FRMPD4: variants seen among roughly 807,000 people sequenced by gnomAD.
FRMPD4 encodes FERM and PDZ domain-containing protein 4.
Under a neutral mutation model 94.1 loss-of-function variants are expected in FRMPD4, and 22 were observed. The ratio of observed to expected loss-of-function variants is 0.23; its 90% CI spans 0.17 to 0.33. FRMPD4 has a LOEUF of 0.33. FRMPD4 is among the 10% of genes least tolerant of loss of function. The pLI is 1.00. For synonymous variants in FRMPD4, 631 were observed against 548.6 expected, an observed-to-expected ratio of 1.15 and a Z score of -2.10; for missense variants, 1,111 against 1,339.9, an observed-to-expected ratio of 0.83 and a Z score of 2.67.
intron 3 of FRMPD4, among the ~76,000 whole-genome samples, chrX:11,988,684 A>T (rs2054447210): frequency 8.9e-6 from 1 of 112,148 alleles, no homozygotes. Flanking sequence ...AATGGGAGAA[A>T]ATATTTGCAA....
intron 3 of FRMPD4, among the ~76,000 whole-genome samples, chrX:11,879,524 T>C (rs924718568): frequency 2.7e-5 from 3 of 111,176 alleles, no homozygotes; most frequent in Non-Finnish European, 5.7e-5. Flanking sequence ...AGCATCTATC[T>C]AGTAAAAGGT....
chrX:11,977,272 T>C (rs960647685), intron 3 of FRMPD4, among the ~76,000 whole-genome samples: 2 of 112,268 alleles, frequency 1.8e-5, no homozygotes, highest in Admixed American at 1.9e-4. Context: ...ACAATGGTGG[T>C]ATCAAGGATC....
chrX:12,015,883 G>A (rs771368479), intron 3 of FRMPD4, among the ~76,000 whole-genome samples: 2 of 111,929 alleles, frequency 1.8e-5, no homozygotes, highest in South Asian at 7.6e-4. Flanking sequence ...TGAGCAGAAA[G>A]ACAGATGTGA....
At chrX:12,422,302 C>T (rs930464702) in intron 1 of FRMPD4, among the ~76,000 whole-genome samples, 12 of 112,050 alleles carry the variant, frequency 1.1e-4, no homozygotes, top group African/African-American at 2.6e-4. Context: ...TCGTGTAGGA[C>T]GCTAGAGACA....
intron 1 of FRMPD4, among the ~76,000 whole-genome samples, chrX:12,331,343 A>G (rs1188346706): frequency 9.4e-6 from 1 of 106,164 alleles, no homozygotes; most frequent in Non-Finnish European, 1.9e-5. Context: ...TTCAGAAAAT[A>G]ACAATAGTAG....
chrX:11,825,190 T>TTGTGTGTGTG (rs747320680), intron 1 of FRMPD4, among the ~76,000 whole-genome samples: 106 of 80,160 alleles, frequency 1.3e-3, no homozygotes, highest in Middle Eastern at 5.9e-3. Flanking sequence ...TGTGTCTTCT[T>TTGTGTGTGTG]TGTGTGTGTG....
chrX:12,447,907 T>G (rs2057219362), intron 1 of FRMPD4, among the ~76,000 whole-genome samples: 1 of 112,279 alleles, frequency 8.9e-6, no homozygotes, highest in South Asian at 3.7e-4. Flanking sequence ...TTCGAACATC[T>G]GCTTTCATAA....
intron 2 of FRMPD4, among the ~76,000 whole-genome samples, chrX:12,602,074 C>T (rs934925984): frequency 2.7e-5 from 3 of 111,363 alleles, no homozygotes; most frequent in African/African-American, 6.5e-5. Context: ...GAGAACAAAG[C>T]GAAAAAATAT....
At chrX:12,261,278 G>A (rs991798853) in intron 1 of FRMPD4, among the ~76,000 whole-genome samples, 2 of 111,888 alleles carry the variant, frequency 1.8e-5, no homozygotes, top group African/African-American at 6.5e-5. Flanking sequence ...TTATATTTCA[G>A]AATCATTATA....
chrX:11,884,839 A>C (rs2053837343), intron 3 of FRMPD4, among the ~76,000 whole-genome samples: 1 of 111,896 alleles, frequency 8.9e-6, no homozygotes, highest in Non-Finnish European at 1.9e-5. Context: ...AGGAGAGATT[A>C]AATATAGAAT....
chrX:12,550,316 A>G (rs763338245), intron 2 of FRMPD4, among the ~76,000 whole-genome samples: 2 of 104,507 alleles, frequency 1.9e-5, no homozygotes, highest in East Asian at 5.9e-4. Context: ...ATTTTATTAT[A>G]AAGTTCTGTG....
chrX:11,836,140 A>G (rs2053500108), intron 1 of FRMPD4, among the ~76,000 whole-genome samples: 3 of 111,276 alleles, frequency 2.7e-5, no homozygotes, highest in Non-Finnish European at 3.8e-5. Context: ...TCGTCCTGAC[A>G]TATCTTTTCC....
chrX:12,146,593 T>C (rs2055773638), intron 1 of FRMPD4, among the ~76,000 whole-genome samples: 2 of 112,139 alleles, frequency 1.8e-5, no homozygotes, highest in Admixed American at 1.9e-4. Flanking sequence ...GAACAATCTT[T>C]ATCTTGCCTC....
rs746040461 is a variant in FRMPD4, at chrX:12,577,896, C to T, written c.159-31825C>T. Among the ~76,000 whole-genome samples the T allele has an allele frequency of 1.2e-4, 14 of 112,473 alleles. No individual in the cohort carries two copies. The South Asian group carries it at 3.0e-3, about 24-fold the overall frequency. ...TTGGGCTGCCATAACAAAATACCAA[C>T]GATTGGGTGGCTTAAAAGATAGACA... On this transcript the variant is annotated intron_variant, in intron 2 of 16. Coordinates refer to ENST00000675598, the MANE Select transcript of FRMPD4 (RefSeq NM_001368397.1).
chrX:12,186,783 G>A (rs2056430719), intron 1 of FRMPD4, among the ~76,000 whole-genome samples: 1 of 112,369 alleles, frequency 8.9e-6, no homozygotes, highest in African/African-American at 3.2e-5. Flanking sequence ...TGTGATGACT[G>A]TCTTTCTGTG....
At chrX:12,077,905 A>G (rs1268953983) in intron 3 of FRMPD4, among the ~76,000 whole-genome samples, 1 of 111,981 alleles carries the variant, frequency 8.9e-6, no homozygotes, top group African/African-American at 3.2e-5. Flanking sequence ...CTGCAATTTT[A>G]GTGGCTTAAA....
chrX:11,928,800 C>T (rs1468886138), intron 3 of FRMPD4, among the ~76,000 whole-genome samples: 2 of 112,359 alleles, frequency 1.8e-5, no homozygotes, highest in African/African-American at 3.2e-5. Flanking sequence ...ATTATAAAGA[C>T]ATATGCACAT....
intron 1 of FRMPD4, among the ~76,000 whole-genome samples, chrX:12,164,999 T>G (rs1410116801): frequency 2.7e-5 from 3 of 111,875 alleles, no homozygotes; most frequent in African/African-American, 9.7e-5. Flanking sequence ...TTCTGTAGGT[T>G]GTCTGTTCAC....
At chrX:12,652,554 C>T (rs2059606159) in intron 4 of FRMPD4, among the ~76,000 whole-genome samples, 1 of 111,813 alleles carries the variant, frequency 8.9e-6, no homozygotes. Flanking sequence ...CCCCAGTAAC[C>T]TCTAATCTAC....
Sources: gnomAD v4.1 joint callset for allele counts (sites outside exome capture counted in the v4.1 genomes callset) on GRCh38, gnomAD v4.1.1 for gene constraint, MANE v1.5 for transcripts, NCBI Gene and HGNC (gene_info 2026-07-23, HGNC 2026-07-21) for gene names.